Variants in KCTD8 observed in about 807,000 individuals in gnomAD.
KCTD8 encodes the protein potassium channel tetramerization domain containing 8.
In KCTD8, 27 loss-of-function variants were observed where a neutral mutation model predicts 31.5. The observed-to-expected ratio is 0.86, with a 90% CI of 0.63 to 1.18. The LOEUF (loss-of-function observed/expected upper bound fraction) is 1.18. Among genes scored for constraint, KCTD8 ranks in the 50% most tolerant of loss-of-function variants. KCTD8 has a pLI of 0.00. For missense variants in KCTD8, 658 were observed against 647.7 expected (o/e 1.02, Z -0.17); for synonymous variants, 290 against 280.0 (o/e 1.04, Z -0.36).
At chr4:44,445,249 A>G (rs572652423) in intron 1 of KCTD8, among the ~76,000 whole-genome samples, 1 of 152,296 alleles carries the variant, frequency 6.6e-6, no homozygotes, top group East Asian at 1.9e-4. Context: ...GTATTCTAGT[A>G]CTCAAGACAA....
chr4:44,188,708 T>A (rs773421304), intron 1 of KCTD8, among the ~76,000 whole-genome samples: 12 of 152,154 alleles, frequency 7.9e-5, no homozygotes, highest in Non-Finnish European at 1.3e-4. Flanking sequence ...AGGGAGGTAG[T>A]GAGAGATCTG....
At chr4:44,267,425 GC>G (rs1577583734) in intron 1 of KCTD8, among the ~76,000 whole-genome samples, 1 of 152,136 alleles carries the variant, frequency 6.6e-6, no homozygotes, top group East Asian at 1.9e-4. Context: ...AGCACTAAAT[GC>G]CCACAAGAGA....
At chr4:44,405,872 G>GCATGTC (rs1720783095) in intron 1 of KCTD8, among the ~76,000 whole-genome samples, 1 of 136,794 alleles carries the variant, frequency 7.3e-6, no homozygotes, top group African/African-American at 2.7e-5. Context: ...TTATCCTGAA[G>GCATGTC]CATGTCCATG....
intron 1 of KCTD8, among the ~76,000 whole-genome samples, chr4:44,208,051 AG>A (rs1165806445): frequency 6.6e-6 from 1 of 152,174 alleles, no homozygotes; most frequent in Non-Finnish European, 1.5e-5. Flanking sequence ...AAGAAATTCC[AG>A]GAGATTGTGA....
At chr4:44,278,060 T>C (rs983147573) in intron 1 of KCTD8, among the ~76,000 whole-genome samples, 1 of 151,976 alleles carries the variant, frequency 6.6e-6, no homozygotes, top group African/African-American at 2.4e-5. Flanking sequence ...TAGTCTTGAG[T>C]TCCTGACACA....
chr4:44,398,652 C>T (rs1175591527), intron 1 of KCTD8, among the ~76,000 whole-genome samples: 1 of 152,186 alleles, frequency 6.6e-6, no homozygotes, highest in African/African-American at 2.4e-5. Context: ...CTCTCAAAGA[C>T]TTCTAGTACA....
intron 1 of KCTD8, among the ~76,000 whole-genome samples, chr4:44,181,932 C>A (rs1322332235): frequency 2.1e-5 from 3 of 142,040 alleles, no homozygotes; most frequent in Non-Finnish European, 4.9e-5. Flanking sequence ...AGCCCCTCCA[C>A]CCGGCAGCCG....
At chr4:44,244,403 G>A (rs1226544271) in intron 1 of KCTD8, among the ~76,000 whole-genome samples, 1 of 152,082 alleles carries the variant, frequency 6.6e-6, no homozygotes, top group Admixed American at 6.5e-5. Flanking sequence ...GACATTGGAA[G>A]GTCTCAGAGG....
At chr4:44,322,945 T>A (rs532998872) in intron 1 of KCTD8, among the ~76,000 whole-genome samples, 1 of 152,154 alleles carries the variant, frequency 6.6e-6, no homozygotes, top group Admixed American at 6.5e-5. Context: ...TTGATAAATG[T>A]GTCTGTTATT....
intron 1 of KCTD8, among the ~76,000 whole-genome samples, chr4:44,269,963 C>CA (rs1404841606): frequency 6.6e-6 from 1 of 152,026 alleles, no homozygotes; most frequent in Non-Finnish European, 1.5e-5. Flanking sequence ...CTAGTTCAAC[C>CA]ATTGTGGAAG....
At chr4:44,258,696 A>G (rs1716066642) in intron 1 of KCTD8, among the ~76,000 whole-genome samples, 1 of 151,938 alleles carries the variant, frequency 6.6e-6, no homozygotes, top group African/African-American at 2.4e-5. Context: ...ATAACACCTC[A>G]CCAAACTTTC....
At chr4:44,256,579 T>A (rs1420830533) in intron 1 of KCTD8, among the ~76,000 whole-genome samples, 1 of 151,814 alleles carries the variant, frequency 6.6e-6, no homozygotes, top group Non-Finnish European at 1.5e-5. Context: ...CTTTGGGAAA[T>A]AAGAGATTTT....
At chr4:44,279,984 T>C (rs1716859632) in intron 1 of KCTD8, among the ~76,000 whole-genome samples, 1 of 152,080 alleles carries the variant, frequency 6.6e-6, no homozygotes, top group African/African-American at 2.4e-5. Context: ...CTTTATTTTT[T>C]TATGATCAAG....
chr4:44,301,382 T>C (rs1717616556), intron 1 of KCTD8, among the ~76,000 whole-genome samples: 1 of 152,164 alleles, frequency 6.6e-6, no homozygotes, highest in Non-Finnish European at 1.5e-5. Flanking sequence ...GCACCTGTTG[T>C]TTCCTGACTT....
At chr4:44,373,307 G>A (rs143398235) in intron 1 of KCTD8, among the ~76,000 whole-genome samples, 149 of 152,002 alleles carry the variant, frequency 9.8e-4, no homozygotes, top group African/African-American at 3.4e-3. Context: ...GTTGCAGTGA[G>A]CTGAGGTCAC....
intron 1 of KCTD8, among the ~76,000 whole-genome samples, chr4:44,215,168 C>A (rs181565101): frequency 2.5e-4 from 38 of 152,190 alleles, no homozygotes; most frequent in African/African-American, 8.2e-4. Flanking sequence ...CTGATTTGAG[C>A]AATAATAAAA....
chr4:44,347,330 C>A (rs1045561425), intron 1 of KCTD8, among the ~76,000 whole-genome samples: 6 of 152,118 alleles, frequency 3.9e-5, no homozygotes, highest in Non-Finnish European at 7.3e-5. Context: ...TGGTGCAGGG[C>A]AGTTCTTCAA....
intron 1 of KCTD8, among the ~76,000 whole-genome samples, chr4:44,244,390 G>C (rs1715591280): frequency 6.6e-6 from 1 of 152,084 alleles, no homozygotes; most frequent in African/African-American, 2.4e-5. Context: ...CTTTGAACTA[G>C]AGGACATTGG....
chr4:44,311,297 A>G (rs1305869099), intron 1 of KCTD8, among the ~76,000 whole-genome samples: 1 of 152,020 alleles, frequency 6.6e-6, no homozygotes, highest in Non-Finnish European at 1.5e-5. Flanking sequence ...TAATTTTTCT[A>G]TCTTCCACGG....
Sources: allele counts gnomAD v4.1 joint callset (sites outside exome capture counted in the v4.1 genomes callset), GRCh38; gene constraint gnomAD v4.1.1; transcripts MANE v1.5; gene names NCBI Gene and HGNC (gene_info 2026-07-23, HGNC 2026-07-21).